PPARD: variants seen among roughly 807,000 people sequenced by gnomAD.
PPARD encodes the protein peroxisome proliferator activated receptor delta.
Under a neutral mutation model 39.5 loss-of-function variants are expected in PPARD, and 6 were observed. The observed-to-expected ratio is 0.15, with a 90% CI of 0.08 to 0.30. PPARD has a LOEUF of 0.30. PPARD is among the 10% of genes least tolerant of loss of function. PPARD has a pLI of 1.00. For synonymous variants in PPARD, 210 were observed against 231.3 expected (o/e 0.91, Z 0.83); for missense variants, 397 against 596.8 (o/e 0.67, Z 3.49).
intron 2 of PPARD, among the ~76,000 whole-genome samples, chr6:35,368,872 A>C (rs1446519020): frequency 6.6e-6 from 1 of 152,360 alleles, no homozygotes; most frequent in Non-Finnish European, 1.5e-5. Flanking sequence ...TCCAGCAGTC[A>C]GCAGACACTC....
At chr6:35,413,097 G>T (rs1765530334) in intron 3 of PPARD, among the ~76,000 whole-genome samples, 1 of 152,232 alleles carries the variant, frequency 6.6e-6, no homozygotes, top group Non-Finnish European at 1.5e-5. Context: ...CCCCTGCAGA[G>T]CAGTGTTCTG....
At chr6:35,418,075 G>A (rs1765890688) in intron 3 of PPARD, among the ~76,000 whole-genome samples, 1 of 152,178 alleles carries the variant, frequency 6.6e-6, no homozygotes, top group African/African-American at 2.4e-5. Context: ...AAGACTCGGT[G>A]GTGGAAGTGA....
At chr6:35,386,294 T>C (rs1382073884) in intron 2 of PPARD, among the ~76,000 whole-genome samples, 4 of 151,396 alleles carry the variant, frequency 2.6e-5, no homozygotes, top group African/African-American at 9.7e-5. Context: ...CCACGATGCA[T>C]AGTGAGACCC....
chr6:35,389,368 A>G (rs993246665), intron 2 of PPARD, among the ~76,000 whole-genome samples: 2 of 151,848 alleles, frequency 1.3e-5, no homozygotes, highest in Non-Finnish European at 2.9e-5. Context: ...CTGGAGTGCA[A>G]TAGCACTATC....
In PPARD at chr6:35,363,881, A is replaced by G. The variant is rs1424338453; in HGVS notation, c.-102+16731A>G. ...CCAAATTCACCACTTTAAAGTGTGTACTTTGATGGTTTTTGTATATTAACT... is the reference window on the plus strand; with the variant it reads ...CCAAATTCACCACTTTAAAGTGTGTGCTTTGATGGTTTTTGTATATTAACT... On this transcript the variant is annotated intron_variant, in intron 2 of 7. Coordinates refer to ENST00000360694, the MANE Select transcript of PPARD (RefSeq NM_006238.5). This position sits in a 1 kb window ranked among gnomAD's most constrained non-coding sequence, Gnocchi z 4.5. Among the ~76,000 whole-genome samples, 2 of 151,532 alleles carry G rather than the reference A, an allele frequency of 1.3e-5. No homozygotes were observed. Among genetic ancestry groups the G allele is most frequent in the Admixed American group, 1.3e-4 (2 of 15,192 alleles).
chr6:35,405,522 C>T (rs73413737), intron 2 of PPARD, among the ~76,000 whole-genome samples: 4,858 of 151,000 alleles, frequency 0.032, 174 homozygotes, highest in African/African-American at 0.081. Flanking sequence ...TGGCATAGTG[C>T]TGGGGCGTGG....
At chr6:35,379,559 A>AAG (rs1763019408) in intron 2 of PPARD, among the ~76,000 whole-genome samples, 2 of 152,248 alleles carry the variant, frequency 1.3e-5, no homozygotes, top group African/African-American at 4.8e-5. Flanking sequence ...CCCTCTTCTT[A>AAG]GAGAGGAGAG....
chr6:35,389,380 C>T (rs9296150), intron 2 of PPARD, among the ~76,000 whole-genome samples: 4,853 of 152,152 alleles, frequency 0.032, 333 homozygotes, highest in East Asian at 0.3. Context: ...AGCACTATCT[C>T]GGCTCACTGC....
intron 3 of PPARD, among the ~76,000 whole-genome samples, chr6:35,414,619 A>G (rs561834720): frequency 6.6e-6 from 1 of 151,942 alleles, no homozygotes; most frequent in African/African-American, 2.4e-5. Flanking sequence ...CATTCTCTTC[A>G]CCTTTATAGG....
chr6:35,403,545 A>G (rs1764834696), intron 2 of PPARD, among the ~76,000 whole-genome samples: 1 of 152,046 alleles, frequency 6.6e-6, no homozygotes, highest in African/African-American at 2.4e-5. Context: ...TGTTTTTAGT[A>G]TATTTATTCA....
At chr6:35,369,272 T>C (rs941074313) in intron 2 of PPARD, among the ~76,000 whole-genome samples, 6 of 152,196 alleles carry the variant, frequency 3.9e-5, no homozygotes, top group African/African-American at 1.4e-4. Context: ...ATTGAAGTCA[T>C]ATTGAATGTT....
chr6:35,343,240 C>T (rs979860621), intron 1 of PPARD, among the ~76,000 whole-genome samples: 34 of 152,138 alleles, frequency 2.2e-4, no homozygotes, highest in South Asian at 4.1e-4. Context: ...CCCTTCTTAT[C>T]TGTGGTCTGA....
At position 35,364,562 on chromosome 6, in the gene PPARD, T is replaced by C. The variant is rs144712914; in HGVS notation, c.-102+17412T>C. Among the ~76,000 whole-genome samples, 579 of 151,764 alleles carry C rather than the reference T, an allele frequency of 3.8e-3. 3 individuals carry two copies. The highest frequency in any genetic ancestry group is 0.013 in the African/African-American group (519 of 41,312). Reference sequence around the variant, plus strand: ...AATTTCCCTGCCTCAGCCACCTGAGTAGCTGGGATTACAGGTGCATGCCAC... The same window carrying C: ...AATTTCCCTGCCTCAGCCACCTGAGCAGCTGGGATTACAGGTGCATGCCAC... On this transcript the variant is annotated intron_variant, in intron 2 of 7. Transcript: ENST00000360694.
rs926032697 is a variant in PPARD, at chr6:35,428,094, T to C, written c.*2015T>C. On this transcript the variant is annotated 3_prime_UTR_variant, in exon 8 of 8. Coordinates refer to ENST00000360694, the MANE Select transcript of PPARD (RefSeq NM_006238.5). ...CCAAAATTGAAATGTATATTTTTGC[T>C]AGGAGCCCCAGCTTCCTGTGTTTTT... is the stretch of plus-strand genomic sequence containing the variant. The C allele has an allele frequency of 6.5e-6, 1 of 152,708 alleles. No homozygotes were observed. Among genetic ancestry groups the C allele is most frequent in the Non-Finnish European group, 1.5e-5 (1 of 68,058 alleles). The allele number at this position is 152,708 out of a possible 1,614,324, so 9.5% of individuals were successfully genotyped here.
In PPARD at chr6:35,424,610, G is replaced by A. The variant is rs201798472; in HGVS notation, c.909G>A (p.Leu303=). Reference sequence around the variant, plus strand: ...CCTCTATCGTCAACAAGGACGGGCTGCTGGTAGCCAACGGCAGTGGCTTTG... The same window carrying A: ...CCTCTATCGTCAACAAGGACGGGCTACTGGTAGCCAACGGCAGTGGCTTTG... ...MLASIVNKDG[L]LVANGSGFVT... is the part of the protein sequence containing the mutation. Residue 303 remains leucine (L), a synonymous_variant, in exon 7 of 8, where the codon CTG becomes CTA. Coordinates refer to ENST00000360694, the MANE Select transcript of PPARD (RefSeq NM_006238.5). This position sits in a 1 kb window ranked among gnomAD's most constrained non-coding sequence, Gnocchi z 7.1. 1 of 1,614,138 alleles carries A rather than the reference G, an allele frequency of 6.2e-7. No individual in the cohort carries two copies. The highest frequency in any genetic ancestry group is 8.5e-7 in the Non-Finnish European group (1 of 1,180,042).
At chr6:35,399,737 A>G (rs113763981) in intron 2 of PPARD, among the ~76,000 whole-genome samples, 104 of 152,292 alleles carry the variant, frequency 6.8e-4, no homozygotes, top group African/African-American at 2.4e-3. Context: ...CTCTTCATAC[A>G]GGGGAACTTT....
chr6:35,406,074 C>T (rs1364070440), intron 2 of PPARD, among the ~76,000 whole-genome samples: 1 of 151,910 alleles, frequency 6.6e-6, no homozygotes, highest in Admixed American at 6.6e-5. Flanking sequence ...TACAAATGTG[C>T]ACCACCGCAC....
chr6:35,410,440 T>C (rs967226563), intron 2 of PPARD, among the ~76,000 whole-genome samples: 6 of 152,194 alleles, frequency 3.9e-5, no homozygotes, highest in Admixed American at 6.5e-5. Flanking sequence ...GAGGCCATGG[T>C]TGCAGATCTG....
At chr6:35,422,871 T>G (rs540099071) in intron 5 of PPARD, among the ~76,000 whole-genome samples, 151 of 152,084 alleles carry the variant, frequency 9.9e-4, no homozygotes, top group African/African-American at 3.4e-3. Flanking sequence ...CTTATTTAAT[T>G]GATCTAATAA....
Sources: gnomAD v4.1 joint callset for allele counts (sites outside exome capture counted in the v4.1 genomes callset) on GRCh38, gnomAD v4.1.1 for gene constraint, Gnocchi (gnomAD v3.1) non-coding constraint, MANE v1.5 for transcripts, NCBI Gene and HGNC (gene_info 2026-07-23, HGNC 2026-07-21) for gene names.